The following EHMT1 variants were observed in gnomAD, a reference collection of about 807,000 sequenced individuals.
EHMT1 encodes euchromatic histone lysine methyltransferase 1.
Under a neutral mutation model 147.2 loss-of-function variants are expected in EHMT1, and 15 were observed. The observed-to-expected ratio is 0.10, with a 90% CI of 0.07 to 0.16. EHMT1 has a LOEUF of 0.16. Ranked by LOEUF, EHMT1 falls within the 10% of genes least tolerant of loss-of-function variation. The pLI, the probability that EHMT1 is intolerant of heterozygous loss-of-function variation, is 1.00. For missense variants in EHMT1, 1,587 were observed against 1,772.4 expected (o/e 0.90, Z 1.88); for synonymous variants, 795 against 709.6 (o/e 1.12, Z -1.91).
At chr9:137,834,712 C>G in intron 26 of EHMT1, 61 bp from the exon 27 acceptor site, 1 of 1,611,928 alleles carries the variant, frequency 6.2e-7, no homozygotes, top group South Asian at 1.1e-5. Flanking sequence ...CTTAATTTAT[C>G]TGGCTTGTGG....
At chr9:137,704,905 C>T (rs1275126229) in intron 1 of EHMT1, among the ~76,000 whole-genome samples, 1 of 145,698 alleles carries the variant, frequency 6.9e-6, no homozygotes, top group East Asian at 2.0e-4. Flanking sequence ...TTTCCTTGTT[C>T]CTTCCTTCCT....
chr9:137,729,730 T>C (rs950238884), intron 4 of EHMT1, among the ~76,000 whole-genome samples: 29 of 152,192 alleles, frequency 1.9e-4, no homozygotes, highest in Non-Finnish European at 3.2e-4. Context: ...ATTACTTTTT[T>C]TTCTGAGACA....
chr9:137,812,401 GGTT>G (rs1954566125), intron 19 of EHMT1, among the ~76,000 whole-genome samples: 2 of 152,256 alleles, frequency 1.3e-5, no homozygotes, highest in Non-Finnish European at 2.9e-5. Flanking sequence ...TCCACACTCA[GGTT>G]GTTGTTGGTG....
At chr9:137,814,537 A>T in intron 22 of EHMT1, 29 bp downstream of exon 22, 2 of 1,600,958 alleles carry the variant, frequency 1.2e-6, no homozygotes, top group Non-Finnish European at 1.7e-6. Flanking sequence ...GCGTGGGCTC[A>T]GGTGGTAAGT....
At chr9:137,759,840 G>A (rs1029496631) in intron 9 of EHMT1, among the ~76,000 whole-genome samples, 1 of 152,228 alleles carries the variant, frequency 6.6e-6, no homozygotes, top group Admixed American at 6.5e-5. Flanking sequence ...GGGAGACCTG[G>A]GTGGTGTGTG....
At chr9:137,829,521 C>T (rs1299491447) in intron 25 of EHMT1, among the ~76,000 whole-genome samples, 2 of 152,246 alleles carry the variant, frequency 1.3e-5, no homozygotes, top group African/African-American at 4.8e-5. Context: ...ATAGTGCTGC[C>T]TGACGAGATT....
rs1296564666 is a variant in EHMT1 at position 137,724,972 on chromosome 9, TCGTGTGGCAGA to T, written c.643-3367_643-3357del. On this transcript the variant is annotated intron_variant, in intron 3 of 26. Coordinates refer to ENST00000460843, the MANE Select transcript of EHMT1 (RefSeq NM_024757.5). ...CAGGCGTGTGGCATTCATGGGGCAT[TCGTGTGGCAGA>T]CGTGTGGCATTAGTGTGGCAGGCGT... 3.4e-3 allele frequency among the ~76,000 whole-genome samples: 386 copies of T among 112,976 alleles called. 2 individuals are homozygous for T. Among genetic ancestry groups the T allele is most frequent in the Non-Finnish European group, 4.2e-3 (277 of 65,590 alleles). 74.1% of individuals were successfully genotyped at this position (112,976 alleles called of 152,430 possible). A position where few individuals can be genotyped will look rare whatever the true frequency, so the allele number is the denominator to read the frequency against.
chr9:137,635,131 G>A (rs1046209639), intron 1 of EHMT1, among the ~76,000 whole-genome samples: 3 of 151,800 alleles, frequency 2.0e-5, no homozygotes, highest in African/African-American at 7.3e-5. Context: ...TTAGGATATC[G>A]CCATCTTAAT....
chr9:137,735,864 T>C lies in EHMT1; in HGVS notation c.823+7335T>C, dbSNP rs1947489237. On this transcript the variant is annotated intron_variant, in intron 4 of 26. Transcript: ENST00000460843. ...CTCTCACCATGTGATCGCTTGCACA[T>C]GCCTGCTCCCTTTCCAATTTCCACC... Among the ~76,000 whole-genome samples the C allele has an allele frequency of 2.6e-5, 4 of 152,334 alleles. No homozygotes were observed. The South Asian group carries it at 8.3e-4, about 32-fold the overall frequency.
At chr9:137,653,476 G>C (rs1938086429) in intron 1 of EHMT1, among the ~76,000 whole-genome samples, 2 of 152,130 alleles carry the variant, frequency 1.3e-5, no homozygotes, top group African/African-American at 4.8e-5. Flanking sequence ...GTTGCATAAA[G>C]CACCTAAGAC....
At chr9:137,750,750 C>T (rs1012461465) in intron 6 of EHMT1, among the ~76,000 whole-genome samples, 18 of 152,176 alleles carry the variant, frequency 1.2e-4, no homozygotes, top group Admixed American at 2.0e-4. Flanking sequence ...GAGCTCAGGA[C>T]GTGGCTGCCG....
intron 1 of EHMT1, among the ~76,000 whole-genome samples, chr9:137,640,255 C>G (rs533410497): frequency 6.6e-6 from 1 of 151,914 alleles, no homozygotes; most frequent in South Asian, 2.1e-4. Context: ...TTTTTTAAAG[C>G]TTTTAATTTT....
intron 25 of EHMT1, among the ~76,000 whole-genome samples, chr9:137,833,352 C>T (rs542782216): frequency 3.6e-4 from 55 of 152,374 alleles, no homozygotes; most frequent in Admixed American, 9.1e-4. Context: ...CGCAGCTCGC[C>T]ATGGCGGCCA....
intron 1 of EHMT1, among the ~76,000 whole-genome samples, chr9:137,669,604 C>G (rs1940288137): frequency 6.6e-6 from 1 of 151,670 alleles, no homozygotes; most frequent in South Asian, 2.1e-4. Context: ...CGCAGCCGCT[C>G]CAGCAGCTCT....
chr9:137,752,709 G>A (rs1008797168), intron 7 of EHMT1, among the ~76,000 whole-genome samples: 18 of 152,146 alleles, frequency 1.2e-4, no homozygotes, highest in Admixed American at 8.5e-4. Flanking sequence ...GGTGGGAGCC[G>A]GCAGCAAGGA....
intron 1 of EHMT1, among the ~76,000 whole-genome samples, chr9:137,621,818 G>A (rs1842952063): frequency 6.6e-6 from 1 of 152,030 alleles, no homozygotes; most frequent in African/African-American, 2.4e-5. Context: ...GCAAGTAGCA[G>A]GGTGGCTACT....
intron 3 of EHMT1, among the ~76,000 whole-genome samples, chr9:137,725,992 T>C (rs1946585731): frequency 6.6e-6 from 1 of 152,182 alleles, no homozygotes. Context: ...CAGCCACATG[T>C]TCACCCATGT....
Position 137,751,404 on chromosome 9 carries a change from C to T in EHMT1, c.1171-927C>T, listed in dbSNP as rs1203154701. On this transcript the variant is annotated intron_variant, in intron 6 of 26. Coordinates refer to ENST00000460843, the MANE Select transcript of EHMT1 (RefSeq NM_024757.5). Reference sequence around the variant, plus strand: ...CTTCTGGCCTCAAGCAGTCCACTCGCCTAGGCCTCCCAGAGCATTGGGATT... The same window carrying T: ...CTTCTGGCCTCAAGCAGTCCACTCGTCTAGGCCTCCCAGAGCATTGGGATT... 2.6e-5 allele frequency among the ~76,000 whole-genome samples: 4 copies of T among 152,332 alleles called. No individual in the cohort carries two copies. The East Asian group carries it at 7.7e-4, about 29-fold the overall frequency.
intron 3 of EHMT1, among the ~76,000 whole-genome samples, chr9:137,719,935 C>T (rs1945769375): frequency 2.0e-5 from 1 of 49,044 alleles, no homozygotes; most frequent in Admixed American, 1.5e-4. Flanking sequence ...ACCCCCTCCA[C>T]ACCAGGACAC....
Sources: gnomAD v4.1 joint callset for allele counts (sites outside exome capture counted in the v4.1 genomes callset) on GRCh38, gnomAD v4.1.1 for gene constraint, MANE v1.5 for transcripts, NCBI Gene and HGNC (gene_info 2026-07-23, HGNC 2026-07-21) for gene names.